LRRC37A2: variants seen among roughly 807,000 people sequenced by gnomAD.
The protein encoded by LRRC37A2 is leucine rich repeat containing 37 member A2, also known as leucine-rich repeat-containing protein 37A2.
A neutral mutation model predicts 68.8 loss-of-function variants in LRRC37A2; 9 were observed. The ratio of observed to expected loss-of-function variants is 0.13; its 90% confidence interval spans 0.08 to 0.23. The LOEUF (loss-of-function observed/expected upper bound fraction) is 0.23. Among genes scored for constraint, LRRC37A2 ranks in the 10% least tolerant of loss-of-function variants. The pLI is 1.00. For missense variants in LRRC37A2, 168 were observed against 950.4 expected, an observed-to-expected ratio of 0.18 and a Z score of 10.82; for synonymous variants, 63 against 367.6, an observed-to-expected ratio of 0.17 and a Z score of 9.48.
the LRRC37A2 span, chr17:46,929,641 G>C: frequency 2.3e-6 from 2 of 881,314 alleles, no homozygotes; most frequent in Non-Finnish European, 2.0e-6. Context: ...GTGCTAATGG[G>C]CTGGGCTTCC....
the LRRC37A2 span, among the ~76,000 whole-genome samples, chr17:46,926,705 A>G: frequency 3.3e-5 from 5 of 152,234 alleles, no homozygotes; most frequent in African/African-American, 7.2e-5. Context: ...CCACCTTGCC[A>G]TTCATACTTG....
chr17:46,621,168 T>C, the LRRC37A2 span, among the ~76,000 whole-genome samples: 180 of 148,186 alleles, frequency 1.2e-3, 6 homozygotes, highest in Non-Finnish European at 1.9e-3. Context: ...TCTATATTCA[T>C]ACAGTTAACC....
the LRRC37A2 span, chr17:46,762,635 A>G: frequency 6.6e-6 from 1 of 151,334 alleles, no homozygotes; most frequent in South Asian, 2.1e-4. Context: ...TATACATTGT[A>G]TAATAAATAA....
intron 6 of LRRC37A2, among the ~76,000 whole-genome samples, chr17:46,530,157 G>A (rs1459904558): frequency 7.4e-6 from 1 of 135,200 alleles, no homozygotes; most frequent in Non-Finnish European, 1.6e-5. Flanking sequence ...CTCCCAAAGT[G>A]CTGAGATTAC....
the LRRC37A2 span, chr17:47,019,519 A>G: frequency 4.2e-4 from 649 of 1,528,806 alleles, 3 homozygotes; most frequent in South Asian, 4.5e-3. Flanking sequence ...ACAGCTCCTC[A>G]TCCAGATCAG....
the LRRC37A2 span, among the ~76,000 whole-genome samples, chr17:46,783,139 T>C: frequency 6.6e-6 from 1 of 152,190 alleles, no homozygotes; most frequent in Admixed American, 6.5e-5. Flanking sequence ...GGGAGCACCC[T>C]TGCCTATGTC....
chr17:46,876,943 C>T, the LRRC37A2 span: 8 of 1,320,608 alleles, frequency 6.1e-6, no homozygotes, highest in Non-Finnish European at 7.7e-6. Flanking sequence ...CCAAGCATCC[C>T]CAACCTTGTT....
chr17:46,974,194 C>T, the LRRC37A2 span, among the ~76,000 whole-genome samples: 2 of 152,244 alleles, frequency 1.3e-5, no homozygotes, highest in African/African-American at 2.4e-5. Flanking sequence ...CGCATGGAAC[C>T]AGCTACCTGG....
chr17:46,818,078 G>A, the LRRC37A2 span, among the ~76,000 whole-genome samples: 9 of 152,124 alleles, frequency 5.9e-5, no homozygotes, highest in East Asian at 9.7e-4. Flanking sequence ...TGGAGGCGCC[G>A]GCAGAGGTGG....
At chr17:46,856,921 C>G in the LRRC37A2 span, among the ~76,000 whole-genome samples, 1 of 152,188 alleles carries the variant, frequency 6.6e-6, no homozygotes. Flanking sequence ...GCAATCAACC[C>G]TCTCCCACCA....
the LRRC37A2 span, among the ~76,000 whole-genome samples, chr17:46,880,619 G>C: frequency 6.6e-6 from 1 of 152,208 alleles, no homozygotes; most frequent in Non-Finnish European, 1.5e-5. Context: ...CCCCGTAATG[G>C]ATAAGGAAAT....
At chr17:46,802,026 A>T in the LRRC37A2 span, among the ~76,000 whole-genome samples, 5 of 152,232 alleles carry the variant, frequency 3.3e-5, no homozygotes, top group Non-Finnish European at 7.3e-5. Context: ...CCAGCTCATT[A>T]AGCTGTACAC....
At chr17:46,929,712 T>C in the LRRC37A2 span, 1 of 674,736 alleles carries the variant, frequency 1.5e-6, no homozygotes, top group Non-Finnish European at 2.7e-6. Flanking sequence ...GTTGTTAGGG[T>C]GGACAGAAAA....
intron 6 of LRRC37A2, among the ~76,000 whole-genome samples, chr17:46,526,753 A>G (rs1159646378): frequency 1.9e-5 from 2 of 103,572 alleles, no homozygotes; most frequent in African/African-American, 3.7e-5. Context: ...CAAGCGCAGT[A>G]AAGTCAAACA....
At chr17:46,806,289 G>A in the LRRC37A2 span, among the ~76,000 whole-genome samples, 4,064 of 129,950 alleles carry the variant, frequency 0.031, 98 homozygotes, top group Middle Eastern at 0.12. Flanking sequence ...TCAGCTCACC[G>A]CAACTTCAGC....
chr17:46,941,065 C>T, the LRRC37A2 span: 13 of 1,081,246 alleles, frequency 1.2e-5, no homozygotes, highest in Non-Finnish European at 1.4e-5. Context: ...TAGCCAGCCT[C>T]TGTGACCTTG....
the LRRC37A2 span, among the ~76,000 whole-genome samples, chr17:46,852,911 GA>G: frequency 6.6e-6 from 1 of 152,088 alleles, no homozygotes; most frequent in African/African-American, 2.4e-5. Flanking sequence ...ACCCCTGGTG[GA>G]AACATGTCTG....
At chr17:46,757,674 T>C in the LRRC37A2 span, among the ~76,000 whole-genome samples, 1 of 151,326 alleles carries the variant, frequency 6.6e-6, no homozygotes, top group African/African-American at 2.4e-5. Flanking sequence ...TATACAACCA[T>C]CTTTATGCTT....
the LRRC37A2 span, among the ~76,000 whole-genome samples, chr17:46,612,133 C>T: frequency 1.1e-4 from 8 of 69,586 alleles, no homozygotes; most frequent in African/African-American, 5.5e-4. Context: ...ACAAGATCTT[C>T]AACATCATAG....
Sources: gnomAD v4.1 joint callset for allele counts (sites outside exome capture counted in the v4.1 genomes callset) on GRCh38, gnomAD v4.1.1 for gene constraint, MANE v1.5 for transcripts, NCBI Gene and HGNC (gene_info 2026-07-23, HGNC 2026-07-21) for gene names.